SATB2: variants seen among roughly 807,000 people sequenced by gnomAD.
SATB2 encodes the protein DNA-binding protein SATB2.
SATB2 carries 1 observed loss-of-function variant against 73.4 expected under a neutral mutation model. The ratio of observed to expected loss-of-function variants is 0.01; its 90% CI spans 0.00 to 0.06. The LOEUF (loss-of-function observed/expected upper bound fraction) is 0.06. Among genes scored for constraint, SATB2 ranks in the 10% least tolerant of loss-of-function variants. The probability of loss-of-function intolerance (pLI) is 1.00; values close to 1 mark genes in which losing one functional copy is unlikely to be tolerated. For missense variants in SATB2, 459 were observed against 945.8 expected (o/e 0.49, Z 6.75); for synonymous variants, 397 against 367.0 (o/e 1.08, Z -0.93).
intron 2 of SATB2, among the ~76,000 whole-genome samples, chr2:199,433,927 T>C (rs1691578548): frequency 6.6e-6 from 1 of 151,962 alleles, no homozygotes; most frequent in East Asian, 1.9e-4. Flanking sequence ...CTTTTACACG[T>C]AAAAGTAATA....
chr2:199,385,658 G>C (rs1689910096), intron 3 of SATB2, among the ~76,000 whole-genome samples: 2 of 152,156 alleles, frequency 1.3e-5, no homozygotes, highest in African/African-American at 4.8e-5. Flanking sequence ...AAGTAGCAGA[G>C]CTCAGATTCA....
chr2:199,457,099 T>C lies in SATB2; in HGVS notation c.-60+240A>G, dbSNP rs978270258. Among the ~76,000 whole-genome samples the C allele has an allele frequency of 6.6e-6, 1 of 152,074 alleles. No homozygotes were observed. Among genetic ancestry groups the C allele is most frequent in the East Asian group, 1.9e-4 (1 of 5,158 alleles). Reference sequence around the variant, plus strand: ...GCGCTGGGAATCCTCGTGGGCGCTCTGGCCGCGCGAGCAGTGTCGGCGCCA... The same window carrying C: ...GCGCTGGGAATCCTCGTGGGCGCTCCGGCCGCGCGAGCAGTGTCGGCGCCA... On this transcript the variant is annotated intron_variant, in intron 1 of 10. Transcript: ENST00000417098. The surrounding 1 kb of genome is among the most constrained non-coding windows in gnomAD (Gnocchi z 4.8).
intron 3 of SATB2, among the ~76,000 whole-genome samples, chr2:199,427,429 T>C (rs1463266164): frequency 1.3e-5 from 2 of 152,100 alleles, no homozygotes; most frequent in Non-Finnish European, 2.9e-5. Context: ...AATTACAAAA[T>C]GATTAAGAAA....
In SATB2 at chr2:199,271,008, G is replaced by A. The variant is rs1295226987; in HGVS notation, c.*1203C>T. 1 of 152,360 alleles carries A rather than the reference G, an allele frequency of 6.6e-6. No homozygotes were observed. The highest frequency in any genetic ancestry group is 1.5e-5 in the Non-Finnish European group (1 of 68,054). The allele number at this position is 152,360 out of a possible 1,614,324, so 9.4% of individuals were successfully genotyped here. On this transcript the variant is annotated 3_prime_UTR_variant, in exon 11 of 11. Coordinates refer to ENST00000417098, the MANE Select transcript of SATB2 (RefSeq NM_001172509.2). The stretch of plus-strand genomic sequence containing the variant: ...AATCAGAAATGTCTTTTGGGAGAGG[G>A]AAGGATGGAGATTTATTTGAGAGGG...
At chr2:199,399,044 G>C (rs1175278414) in intron 3 of SATB2, among the ~76,000 whole-genome samples, 5 of 152,142 alleles carry the variant, frequency 3.3e-5, no homozygotes, top group African/African-American at 1.2e-4. Context: ...GCCAAGGTGG[G>C]CAGGTCGCTT....
intron 9 of SATB2, among the ~76,000 whole-genome samples, chr2:199,310,891 C>T (rs1282080160): frequency 6.6e-6 from 1 of 152,188 alleles, no homozygotes; most frequent in Non-Finnish European, 1.5e-5. Context: ...AGTGGTATCT[C>T]CACTTATGAC....
At chr2:199,389,836 GTC>G (rs1353218255) in intron 3 of SATB2, among the ~76,000 whole-genome samples, 1 of 151,934 alleles carries the variant, frequency 6.6e-6, no homozygotes, top group Admixed American at 6.6e-5. Context: ...TGATACAGCT[GTC>G]TGTCACACTT....
At chr2:199,326,098 G>A (rs903707192) in intron 8 of SATB2, 1 of 152,132 alleles carries the variant, frequency 6.6e-6, no homozygotes, top group Non-Finnish European at 1.5e-5. Context: ...GGCTGAGTCA[G>A]TGAGTACTCC....
At chr2:199,306,751 A>G (rs1687444133) in intron 10 of SATB2, among the ~76,000 whole-genome samples, 1 of 152,226 alleles carries the variant, frequency 6.6e-6, no homozygotes, top group Non-Finnish European at 1.5e-5. Flanking sequence ...CTACCTAAAT[A>G]CAGGGCCCAA....
intron 6 of SATB2, among the ~76,000 whole-genome samples, chr2:199,355,655 A>T (rs922114473): frequency 1.3e-5 from 2 of 152,042 alleles, no homozygotes; most frequent in African/African-American, 4.8e-5. Flanking sequence ...TATCTGTAAA[A>T]TGGGAAGAAT....
chr2:199,305,242 T>C (rs1422052048), intron 10 of SATB2, among the ~76,000 whole-genome samples: 3 of 152,106 alleles, frequency 2.0e-5, no homozygotes, highest in African/African-American at 7.2e-5. Context: ...AGAAAGGACA[T>C]TGGCTCCAGC....
chr2:199,373,517 CT>C (rs1689509065), intron 5 of SATB2, among the ~76,000 whole-genome samples: 1 of 152,120 alleles, frequency 6.6e-6, no homozygotes, highest in Non-Finnish European at 1.5e-5. Flanking sequence ...TATGAAAACA[CT>C]ACATTTGAGA....
At chr2:199,328,031 C>T (rs1487703038) in intron 8 of SATB2, among the ~76,000 whole-genome samples, 1 of 152,142 alleles carries the variant, frequency 6.6e-6, no homozygotes, top group Admixed American at 6.6e-5. Context: ...AGTGTGCTTG[C>T]TATGCAAACT....
chr2:199,443,207 T>C (rs1315533219), intron 2 of SATB2, among the ~76,000 whole-genome samples: 2 of 152,106 alleles, frequency 1.3e-5, no homozygotes, highest in East Asian at 3.9e-4. Flanking sequence ...CTTCAGGTTT[T>C]GAGCTCTGCC....
intron 2 of SATB2, among the ~76,000 whole-genome samples, chr2:199,435,837 T>C (rs1350227739): frequency 2.0e-5 from 3 of 152,216 alleles, no homozygotes; most frequent in African/African-American, 4.8e-5. Flanking sequence ...GACTCATTCA[T>C]GAGAGTCCCT....
intron 7 of SATB2, among the ~76,000 whole-genome samples, chr2:199,345,577 C>T (rs1305223108): frequency 6.6e-6 from 1 of 152,188 alleles, no homozygotes; most frequent in African/African-American, 2.4e-5. Flanking sequence ...TTCATAATTA[C>T]ACCTTTATTC....
intron 2 of SATB2, among the ~76,000 whole-genome samples, chr2:199,442,680 G>A (rs1437827716): frequency 3.9e-5 from 6 of 152,088 alleles, no homozygotes; most frequent in African/African-American, 1.2e-4. Flanking sequence ...TTAGGAGTTC[G>A]AGGCTACAGT....
chr2:199,444,748 G>GT (rs1253617018), intron 2 of SATB2, among the ~76,000 whole-genome samples: 2 of 152,130 alleles, frequency 1.3e-5, no homozygotes, highest in East Asian at 1.9e-4. Flanking sequence ...CACCCAAGAG[G>GT]TAAGAGCTAC....
chr2:199,469,623 C>G (rs1339331308), upstream of SATB2: 1 of 152,374 alleles, frequency 6.6e-6, no homozygotes, highest in Non-Finnish European at 1.5e-5. Context: ...GATCCTGGCC[C>G]CCGGCAGAGC....
Sources: gnomAD v4.1 joint callset for allele counts (sites outside exome capture counted in the v4.1 genomes callset) on GRCh38, gnomAD v4.1.1 for gene constraint, Gnocchi (gnomAD v3.1) non-coding constraint, MANE v1.5 for transcripts, NCBI Gene and HGNC (gene_info 2026-07-23, HGNC 2026-07-21) for gene names.